ERBB4: variants seen among roughly 807,000 people sequenced by gnomAD.
ERBB4 encodes erb-b2 receptor tyrosine kinase 4, also known as receptor tyrosine-protein kinase erbB-4.
A neutral mutation model predicts 158.0 loss-of-function variants in ERBB4; 42 were observed. The ratio of observed to expected loss-of-function variants is 0.27; its 90% CI spans 0.21 to 0.34. The LOEUF (loss-of-function observed/expected upper bound fraction) is 0.34. Ranked by LOEUF, ERBB4 falls within the 10% of genes least tolerant of loss-of-function variation. ERBB4 has a pLI of 1.00. For synonymous variants in ERBB4, 583 were observed against 558.7 expected, an observed-to-expected ratio of 1.04 and a Z score of -0.61; for missense variants, 1,333 against 1,624.1, an observed-to-expected ratio of 0.82 and a Z score of 3.08.
chr2:212,065,009 GTGTGTGTGTGTGTGTGTGT>G (rs1325527986), intron 2 of ERBB4, among the ~76,000 whole-genome samples: 2 of 150,800 alleles, frequency 1.3e-5, no homozygotes, highest in East Asian at 1.9e-4. Context: ...GTGTGTGTGT[GTGTGTGTGTGTGTGTGTGT>G]TGTGTGTGTG....
At chr2:211,913,619 ATGTGTGTGTGTGTG>A (rs34762084) in intron 3 of ERBB4, among the ~76,000 whole-genome samples, 67 of 132,822 alleles carry the variant, frequency 5.0e-4, no homozygotes, top group Middle Eastern at 3.8e-3. Flanking sequence ...ATATATATAT[ATGTGTGTGTGTGTG>A]TGTGTGTGTG....
intron 16 of ERBB4, among the ~76,000 whole-genome samples, chr2:211,645,987 T>C (rs1040166653): frequency 7.9e-5 from 12 of 151,652 alleles, no homozygotes; most frequent in African/African-American, 2.9e-4. Context: ...AGGAATAGCC[T>C]ATCTTTCAAT....
intron 1 of ERBB4, among the ~76,000 whole-genome samples, chr2:212,224,650 A>G (rs2083413871): frequency 6.6e-6 from 1 of 151,932 alleles, no homozygotes; most frequent in Non-Finnish European, 1.5e-5. Flanking sequence ...CCCCCTTCCC[A>G]CTCCCAGCTG....
rs935636179 is a variant in ERBB4, at chr2:211,691,923, G to C, written c.1489+10044C>G. Among the ~76,000 whole-genome samples the C allele has an allele frequency of 2.0e-5, 3 of 152,176 alleles. No individual in the cohort carries two copies. The East Asian group carries it at 5.8e-4, about 29-fold the overall frequency. On this transcript the variant is annotated intron_variant, in intron 12 of 27. Coordinates refer to ENST00000342788, the MANE Select transcript of ERBB4 (RefSeq NM_005235.3). Reference sequence around the variant, plus strand: ...GGCCATTTTTAGGATTTTGTGTTTTGGTCAAAGAGCTGTCGGAATCCGTTG... The same window carrying C: ...GGCCATTTTTAGGATTTTGTGTTTTCGTCAAAGAGCTGTCGGAATCCGTTG...
chr2:212,178,767 T>C (rs549875797), intron 1 of ERBB4, among the ~76,000 whole-genome samples: 25 of 151,774 alleles, frequency 1.6e-4, no homozygotes, highest in Non-Finnish European at 2.8e-4. Context: ...GTAATTTATA[T>C]TTGTTTGTTC....
At chr2:212,190,230 T>C (rs1424327308) in intron 1 of ERBB4, among the ~76,000 whole-genome samples, 1 of 152,176 alleles carries the variant, frequency 6.6e-6, no homozygotes, top group Non-Finnish European at 1.5e-5. Context: ...ACTTAGATAA[T>C]TTCTATCTTT....
intron 20 of ERBB4, among the ~76,000 whole-genome samples, chr2:211,559,536 C>T (rs1288633430): frequency 6.6e-6 from 1 of 152,196 alleles, no homozygotes; most frequent in Non-Finnish European, 1.5e-5. Flanking sequence ...TTGATCACCA[C>T]ATCTGTAGAG....
chr2:211,955,756 A>G (rs2081010130), intron 2 of ERBB4, among the ~76,000 whole-genome samples: 1 of 152,174 alleles, frequency 6.6e-6, no homozygotes, highest in Non-Finnish European at 1.5e-5. Flanking sequence ...CTGTTTCTGC[A>G]TAATACTTAC....
At chr2:212,467,815 G>A (rs1265713466) in intron 1 of ERBB4, among the ~76,000 whole-genome samples, 1 of 152,212 alleles carries the variant, frequency 6.6e-6, no homozygotes, top group Admixed American at 6.6e-5. Context: ...CTTGCACTGT[G>A]CACCTGGAAA....
chr2:211,786,142 G>C (rs560718558), intron 4 of ERBB4, among the ~76,000 whole-genome samples: 3 of 152,302 alleles, frequency 2.0e-5, no homozygotes, highest in Non-Finnish European at 4.4e-5. Flanking sequence ...TGAAAGTAAA[G>C]ATAATAATGA....
Position 211,451,515 on chromosome 2 carries a change from T to C in ERBB4, c.2488-20415A>G, listed in dbSNP as rs113018095. ...AGGATTGATACAGAATCCAGAAATA[T>C]TTCTCAATGGTGGTCATGAGAATTT... On this transcript the variant is annotated intron_variant, in intron 20 of 27. Coordinates refer to ENST00000342788, the MANE Select transcript of ERBB4 (RefSeq NM_005235.3). Among the ~76,000 whole-genome samples the C allele has an allele frequency of 4.6e-5, 7 of 152,234 alleles. 1 individual carries two copies. Among genetic ancestry groups the C allele is most frequent in the African/African-American group, 1.7e-4 (7 of 41,528 alleles).
At chr2:211,515,698 G>T (rs1039553367) in intron 20 of ERBB4, among the ~76,000 whole-genome samples, 1 of 150,530 alleles carries the variant, frequency 6.6e-6, no homozygotes, top group Non-Finnish European at 1.5e-5. Flanking sequence ...GTATGGCAGG[G>T]CAAAGAACAA....
intron 20 of ERBB4, among the ~76,000 whole-genome samples, chr2:211,501,916 A>G (rs1423069741): frequency 6.6e-6 from 1 of 152,120 alleles, no homozygotes; most frequent in Admixed American, 6.5e-5. Flanking sequence ...AATCTCCCAG[A>G]GCATTTATTA....
chr2:212,158,367 C>T (rs986164267), intron 1 of ERBB4, among the ~76,000 whole-genome samples: 1 of 151,896 alleles, frequency 6.6e-6, no homozygotes, highest in Non-Finnish European at 1.5e-5. Flanking sequence ...TCCCCAAAGT[C>T]CCACCACACT....
At chr2:211,398,397 G>A (rs1242760939) in intron 25 of ERBB4, among the ~76,000 whole-genome samples, 1 of 152,108 alleles carries the variant, frequency 6.6e-6, no homozygotes, top group Non-Finnish European at 1.5e-5. Flanking sequence ...AAGTAAACTA[G>A]GATGCACTAA....
chr2:212,267,138 G>T (rs1038500653), intron 1 of ERBB4, among the ~76,000 whole-genome samples: 1 of 151,940 alleles, frequency 6.6e-6, no homozygotes, highest in Non-Finnish European at 1.5e-5. Flanking sequence ...ACCAAATTCA[G>T]TTGCCTCTTG....
At chr2:211,430,902 A>T in intron 21 of ERBB4, 43 bp downstream of exon 21, 2 of 1,487,882 alleles carry the variant, frequency 1.3e-6, no homozygotes, top group Non-Finnish European at 1.9e-6. Flanking sequence ...AAAGGATATT[A>T]TACTATATTT....
At chr2:212,240,518 A>G (rs1574498933) in intron 1 of ERBB4, among the ~76,000 whole-genome samples, 1 of 151,630 alleles carries the variant, frequency 6.6e-6, no homozygotes, top group African/African-American at 2.4e-5. Flanking sequence ...CTGTATTCCC[A>G]GCTACTCAGG....
At chr2:211,732,795 A>C (rs2074468146) in intron 5 of ERBB4, among the ~76,000 whole-genome samples, 1 of 152,066 alleles carries the variant, frequency 6.6e-6, no homozygotes, top group Non-Finnish European at 1.5e-5. Flanking sequence ...TCTACTAAAA[A>C]AGAAACCCCG....
Sources: gnomAD v4.1 joint callset for allele counts (sites outside exome capture counted in the v4.1 genomes callset) on GRCh38, gnomAD v4.1.1 for gene constraint, MANE v1.5 for transcripts, NCBI Gene and HGNC (gene_info 2026-07-23, HGNC 2026-07-21) for gene names.